Variants in LSAMP observed in about 807,000 individuals in gnomAD.
LSAMP encodes the protein limbic system associated membrane protein, also known as limbic system-associated membrane protein.
A neutral mutation model predicts 38.6 loss-of-function variants in LSAMP; 7 were observed. The observed-to-expected ratio is 0.18, with a 90% CI of 0.10 to 0.34. The LOEUF is 0.34. Ranked by LOEUF, LSAMP falls within the 10% of genes least tolerant of loss-of-function variation. The probability of loss-of-function intolerance (pLI) is 1.00; values close to 1 mark genes in which losing one functional copy is unlikely to be tolerated. For synonymous variants in LSAMP, 154 were observed against 166.8 expected (o/e 0.92, Z 0.59); for missense variants, 313 against 420.0 (o/e 0.75, Z 2.23).
At chr3:115,992,357 A>G (rs1576289656) in intron 3 of LSAMP, among the ~76,000 whole-genome samples, 1 of 152,130 alleles carries the variant, frequency 6.6e-6, no homozygotes, top group East Asian at 1.9e-4. Context: ...CTCCTCCTCC[A>G]GGTCAAAAAA....
chr3:116,296,077 T>C (rs181832457), intron 1 of LSAMP, among the ~76,000 whole-genome samples: 3 of 152,332 alleles, frequency 2.0e-5, no homozygotes, highest in South Asian at 4.1e-4. Flanking sequence ...AATTCATAGA[T>C]GGAAAAATCA....
At chr3:116,061,388 G>A (rs1000873326) in intron 2 of LSAMP, among the ~76,000 whole-genome samples, 1 of 151,962 alleles carries the variant, frequency 6.6e-6, no homozygotes, top group African/African-American at 2.4e-5. Flanking sequence ...GGGGCTGAGG[G>A]AATAGCCTGT....
At chr3:116,377,807 A>G (rs2048513321) in intron 1 of LSAMP, among the ~76,000 whole-genome samples, 1 of 152,026 alleles carries the variant, frequency 6.6e-6, no homozygotes, top group Admixed American at 6.6e-5. Flanking sequence ...CACACACAAT[A>G]CTGGGAATTA....
chr3:116,050,880 T>C (rs1056111118), intron 2 of LSAMP, among the ~76,000 whole-genome samples: 13 of 152,206 alleles, frequency 8.5e-5, no homozygotes, highest in Non-Finnish European at 1.8e-4. Flanking sequence ...TTGTGGAAGA[T>C]AAATTGTGCC....
intron 6 of LSAMP, among the ~76,000 whole-genome samples, chr3:115,830,924 A>G (rs1479327237): frequency 6.6e-6 from 1 of 152,202 alleles, no homozygotes; most frequent in Non-Finnish European, 1.5e-5. Context: ...CTGTAGGAAC[A>G]TGAGTCCCCC....
chr3:115,920,637 A>C (rs1937360551), intron 3 of LSAMP, among the ~76,000 whole-genome samples: 1 of 152,118 alleles, frequency 6.6e-6, no homozygotes, highest in Admixed American at 6.6e-5. Context: ...ACAATGGTTC[A>C]TGTGCACTTG....
intron 3 of LSAMP, among the ~76,000 whole-genome samples, chr3:115,859,887 A>G (rs1287105774): frequency 6.6e-6 from 1 of 152,224 alleles, no homozygotes. Flanking sequence ...TATTTATACT[A>G]AACCATTACC....
chr3:116,236,593 G>C (rs566706378), intron 1 of LSAMP, among the ~76,000 whole-genome samples: 1 of 151,924 alleles, frequency 6.6e-6, no homozygotes, highest in African/African-American at 2.4e-5. Context: ...TATAAAATTA[G>C]GTAAAATAAC....
chr3:116,238,289 C>T (rs1409143403), intron 1 of LSAMP, among the ~76,000 whole-genome samples: 3 of 152,204 alleles, frequency 2.0e-5, no homozygotes, highest in Admixed American at 6.5e-5. Context: ...CTTTACTAAA[C>T]TAACCTAAGC....
intron 1 of LSAMP, among the ~76,000 whole-genome samples, chr3:116,285,503 ACT>A (rs1483606442): frequency 6.6e-6 from 1 of 150,652 alleles, no homozygotes; most frequent in Admixed American, 6.6e-5. Context: ...TTCTTTCAGG[ACT>A]CTGCTCTAAT....
intron 2 of LSAMP, among the ~76,000 whole-genome samples, chr3:116,047,867 C>T (rs2107728413): frequency 1.3e-5 from 2 of 152,334 alleles, no homozygotes; most frequent in Middle Eastern, 3.4e-3. Context: ...TGCATCACCT[C>T]ACATAGTCAT....
At chr3:116,382,978 T>A (rs2048581265) in intron 1 of LSAMP, among the ~76,000 whole-genome samples, 1 of 152,174 alleles carries the variant, frequency 6.6e-6, no homozygotes, top group African/African-American at 2.4e-5. Flanking sequence ...CCATAAATGT[T>A]AATTTCCCTT....
At chr3:116,066,744 C>A (rs745457615) in intron 2 of LSAMP, among the ~76,000 whole-genome samples, 1 of 152,188 alleles carries the variant, frequency 6.6e-6, no homozygotes, top group Non-Finnish European at 1.5e-5. Context: ...CCTCTAAGTT[C>A]TTTATATGAT....
At chr3:115,865,275 C>T (rs78109521) in intron 3 of LSAMP, among the ~76,000 whole-genome samples, 14,656 of 152,116 alleles carry the variant, frequency 0.096, 1,057 homozygotes, top group Admixed American at 0.24. Context: ...AGACCATGGA[C>T]GTTTCTCTAA....
At chr3:116,430,795 C>A (rs574735131) in intron 1 of LSAMP, among the ~76,000 whole-genome samples, 25 of 151,848 alleles carry the variant, frequency 1.6e-4, no homozygotes, top group South Asian at 4.2e-4. Flanking sequence ...GGTCTTCTGG[C>A]CCAGAAACTG....
At chr3:116,108,358 T>A (rs1027790224) in intron 1 of LSAMP, among the ~76,000 whole-genome samples, 2 of 152,192 alleles carry the variant, frequency 1.3e-5, no homozygotes, top group African/African-American at 2.4e-5. Flanking sequence ...CTAAGTTGGC[T>A]CCACAGTTGG....
At chr3:116,146,571 C>T (rs1171429474) in intron 1 of LSAMP, among the ~76,000 whole-genome samples, 1 of 151,858 alleles carries the variant, frequency 6.6e-6, no homozygotes, top group Non-Finnish European at 1.5e-5. Flanking sequence ...TTTGCTATCA[C>T]CATACCAGCA....
chr3:116,427,713 A>AAAGCT (rs1229620716), intron 1 of LSAMP, among the ~76,000 whole-genome samples: 9 of 152,190 alleles, frequency 5.9e-5, no homozygotes, highest in African/African-American at 1.9e-4. Flanking sequence ...AAGGAGCTCC[A>AAAGCT]AAGCTAAGCT....
At position 116,106,646 on chromosome 3, in the gene LSAMP, G is replaced by C. The variant is rs1380894220; in HGVS notation, c.156-20090C>G. On this transcript the variant is annotated intron_variant, in intron 1 of 6. Coordinates refer to ENST00000490035, the MANE Select transcript of LSAMP (RefSeq NM_002338.5). ...TGATTTGACTAATAAAGGCTGGTCTGTTATCAGACTGTATAGAGGTGGGAA... is the reference window on the plus strand; with the variant it reads ...TGATTTGACTAATAAAGGCTGGTCTCTTATCAGACTGTATAGAGGTGGGAA... Among the ~76,000 whole-genome samples the C allele has an allele frequency of 3.3e-5, 5 of 152,268 alleles. No homozygotes were observed. The South Asian group carries it at 1.0e-3, about 32-fold the overall frequency.
Sources: gnomAD v4.1 joint callset for allele counts (sites outside exome capture counted in the v4.1 genomes callset) on GRCh38, gnomAD v4.1.1 for gene constraint, MANE v1.5 for transcripts, NCBI Gene and HGNC (gene_info 2026-07-23, HGNC 2026-07-21) for gene names.